Variants in TAMM41 observed in about 807,000 individuals in gnomAD.
The protein encoded by TAMM41 is phosphatidate cytidylyltransferase, mitochondrial.
TAMM41 carries 36 observed loss-of-function variants against 44.1 expected under a neutral mutation model. The observed-to-expected ratio is 0.82, with a 90% confidence interval of 0.63 to 1.08. TAMM41 has a LOEUF of 1.08. Among genes scored for constraint, TAMM41 ranks in the 50% least tolerant of loss-of-function variants. TAMM41 has a pLI of 0.00. For synonymous variants in TAMM41, 164 were observed against 153.1 expected (o/e 1.07, Z -0.53); for missense variants, 417 against 404.3 (o/e 1.03, Z -0.27).
At chr3:11,786,291 T>TATC (rs1404338479), downstream of TAMM41, among the ~76,000 whole-genome samples, 1 of 97,428 alleles carries the variant, frequency 1.0e-5, no homozygotes, top group East Asian at 3.2e-4. Flanking sequence ...TTAATTTTAT[T>TATC]ATTATTATTA....
chr3:11,792,163 C>T (rs114910036), intron 7 of TAMM41, among the ~76,000 whole-genome samples: 4,042 of 149,416 alleles, frequency 0.027, 163 homozygotes, highest in African/African-American at 0.095. Context: ...AAGAGTGTCA[C>T]CATGTAGCCA....
the TAMM41 span, among the ~76,000 whole-genome samples, chr3:11,747,951 TG>T: frequency 6.6e-6 from 1 of 150,940 alleles, no homozygotes; most frequent in Non-Finnish European, 1.5e-5. Context: ...CTCAGCTCAC[TG>T]CAACCTCTGC....
At chr3:11,753,059 T>C in the TAMM41 span, among the ~76,000 whole-genome samples, 2 of 151,884 alleles carry the variant, frequency 1.3e-5, no homozygotes, top group African/African-American at 2.4e-5. Flanking sequence ...ATGAAGCTGA[T>C]AGGAGGAATG....
At chr3:11,748,407 G>A in the TAMM41 span, among the ~76,000 whole-genome samples, 3 of 151,338 alleles carry the variant, frequency 2.0e-5, no homozygotes, top group Non-Finnish European at 4.4e-5. Context: ...TTCAGCCTCC[G>A]AGTAGCTGGA....
chr3:11,757,997 G>T, the TAMM41 span, among the ~76,000 whole-genome samples: 10 of 152,200 alleles, frequency 6.6e-5, no homozygotes, highest in Non-Finnish European at 1.2e-4. Context: ...AGCCATGGAA[G>T]TGTAAGTCTG....
intron 4 of TAMM41, among the ~76,000 whole-genome samples, chr3:11,820,699 C>G (rs1229719953): frequency 6.6e-6 from 1 of 152,234 alleles, no homozygotes; most frequent in East Asian, 1.9e-4. Context: ...GAACCAGCAT[C>G]TGATCATAAC....
At chr3:11,775,608 A>C in the TAMM41 span, among the ~76,000 whole-genome samples, 1 of 152,212 alleles carries the variant, frequency 6.6e-6, no homozygotes, top group African/African-American at 2.4e-5. Context: ...CTGAGCTCCT[A>C]ATGTGAGCTG....
chr3:11,830,549 C>T (rs1218337146), intron 3 of TAMM41, among the ~76,000 whole-genome samples: 1 of 152,148 alleles, frequency 6.6e-6, no homozygotes, highest in Non-Finnish European at 1.5e-5. Flanking sequence ...AGAGTAGAAG[C>T]TTCCATCTGA....
At chr3:11,825,782 CA>C (rs2078724311) in intron 4 of TAMM41, among the ~76,000 whole-genome samples, 1 of 151,854 alleles carries the variant, frequency 6.6e-6, no homozygotes, top group Non-Finnish European at 1.5e-5. Flanking sequence ...TCTAAGTACT[CA>C]GCTAATTTTT....
chr3:11,770,468 T>C, the TAMM41 span, among the ~76,000 whole-genome samples: 1 of 152,340 alleles, frequency 6.6e-6, no homozygotes, highest in East Asian at 1.9e-4. Flanking sequence ...CCCAAAGTAG[T>C]AATGAGGTCG....
At chr3:11,807,525 T>C (rs974897345) in intron 7 of TAMM41, 6 of 1,535,980 alleles carry the variant, frequency 3.9e-6, no homozygotes, top group Non-Finnish European at 5.2e-6. Context: ...GTTTTTGCAA[T>C]CCTATGCATC....
At chr3:11,812,756 G>A (rs1014325471) in intron 5 of TAMM41, among the ~76,000 whole-genome samples, 10 of 152,316 alleles carry the variant, frequency 6.6e-5, no homozygotes, top group African/African-American at 7.2e-5. Flanking sequence ...GCTGATACAC[G>A]TCTCTTAGAG....
intron 7 of TAMM41, among the ~76,000 whole-genome samples, chr3:11,799,195 C>CAA (rs201086631): frequency 4.0e-5 from 6 of 151,538 alleles, no homozygotes; most frequent in African/African-American, 1.5e-4. Context: ...AAAACAAAAA[C>CAA]AAAAAAACAA....
chr3:11,827,839 C>T (rs553108107), intron 4 of TAMM41, among the ~76,000 whole-genome samples: 1 of 152,166 alleles, frequency 6.6e-6, no homozygotes, highest in African/African-American at 2.4e-5. Context: ...ATTGTTATTG[C>T]TACAAATAAT....
intron 4 of TAMM41, among the ~76,000 whole-genome samples, chr3:11,828,008 C>A (rs1451675958): frequency 6.6e-6 from 1 of 152,036 alleles, no homozygotes; most frequent in Non-Finnish European, 1.5e-5. Flanking sequence ...AAAAGATGGA[C>A]AATGCAAAGT....
the TAMM41 span, among the ~76,000 whole-genome samples, chr3:11,778,747 G>C: frequency 2.3e-4 from 35 of 152,088 alleles, no homozygotes. Flanking sequence ...CTGATGATGA[G>C]TGATGTTGGG....
the TAMM41 span, among the ~76,000 whole-genome samples, chr3:11,751,383 C>T: frequency 3.3e-5 from 5 of 152,166 alleles, no homozygotes; most frequent in South Asian, 2.1e-4. Context: ...TGAACCACCG[C>T]GCCTGGCCAA....
At chr3:11,729,582 A>G in the TAMM41 span, among the ~76,000 whole-genome samples, 3 of 82,338 alleles carry the variant, frequency 3.6e-5, no homozygotes, top group Admixed American at 5.6e-4. Flanking sequence ...TTTTTATGAG[A>G]CAGAGTCTCA....
chr3:11,770,073 T>C, the TAMM41 span, among the ~76,000 whole-genome samples: 253 of 152,264 alleles, frequency 1.7e-3, 1 homozygote, highest in African/African-American at 5.8e-3. Context: ...TTAATTGAGG[T>C]AAAGAAGAAT....
Sources: allele counts gnomAD v4.1 joint callset (sites outside exome capture counted in the v4.1 genomes callset), GRCh38; gene constraint gnomAD v4.1.1; transcripts MANE v1.5; gene names NCBI Gene and HGNC (gene_info 2026-07-23, HGNC 2026-07-21).